Variants in USP6NL observed in about 807,000 individuals in gnomAD.
USP6NL encodes the protein USP6 N-terminal-like protein.
In USP6NL, 26 loss-of-function variants were observed where a neutral mutation model predicts 61.9. The observed-to-expected ratio is 0.42, with a 90% CI of 0.31 to 0.58. The LOEUF is 0.58. USP6NL is among the 20% of genes least tolerant of loss of function. The pLI is 0.16. For synonymous variants in USP6NL, 432 were observed against 390.1 expected (o/e 1.11, Z -1.27); for missense variants, 1,114 against 1,034.3 (o/e 1.08, Z -1.06).
intron 2 of USP6NL, among the ~76,000 whole-genome samples, chr10:11,558,933 T>C (rs1402557071): frequency 6.6e-6 from 1 of 152,178 alleles, no homozygotes; most frequent in Non-Finnish European, 1.5e-5. Context: ...TATATTTAGA[T>C]CAACTACTAA....
At chr10:11,568,616 A>G (rs1273113725) in intron 2 of USP6NL, among the ~76,000 whole-genome samples, 1 of 152,238 alleles carries the variant, frequency 6.6e-6, no homozygotes, top group African/African-American at 2.4e-5. Flanking sequence ...AAACCATACT[A>G]GTGAGAATCA....
chr10:11,555,614 A>T (rs1438882562), intron 2 of USP6NL, among the ~76,000 whole-genome samples: 1 of 151,586 alleles, frequency 6.6e-6, no homozygotes, highest in Admixed American at 6.6e-5. Context: ...GTACAGAAGC[A>T]GTTTCTAAAT....
chr10:11,492,092 A>T (rs1427838839), intron 8 of USP6NL, among the ~76,000 whole-genome samples: 1 of 152,232 alleles, frequency 6.6e-6, no homozygotes, highest in Non-Finnish European at 1.5e-5. Flanking sequence ...ATACTAAAGC[A>T]GAAGTGTGAT....
In USP6NL at chr10:11,566,779, T is replaced by C. The variant is rs187052347; in HGVS notation, c.4+30852A>G. Among the ~76,000 whole-genome samples, 490 of 152,348 alleles carry C rather than the reference T, an allele frequency of 3.2e-3. 2 individuals carry two copies. Among genetic ancestry groups the C allele is most frequent in the African/African-American group, 0.011 (449 of 41,578 alleles). ...GAGTTCAGACCATATTCTTAATTAA[T>C]ATACGGACCTGCTTTACTAAGAGAC... On this transcript the variant is annotated intron_variant, in intron 2 of 14. Transcript: ENST00000609104.
intron 4 of USP6NL, among the ~76,000 whole-genome samples, chr10:11,521,446 T>C (rs1323957968): frequency 1.3e-5 from 2 of 151,274 alleles, no homozygotes; most frequent in African/African-American, 2.4e-5. Flanking sequence ...AACGGTGCGA[T>C]CTCCGCTCAC....
At position 11,489,973 on chromosome 10, in the gene USP6NL, G is replaced by A. The variant is rs1242740804; in HGVS notation, c.544-751C>T. ...AATCTGGAGAGAGAAACAGTGAACT[G>A]AACAGTTCACAGAGATCATCTGAGA... On this transcript the variant is annotated intron_variant, in intron 9 of 14. Transcript: ENST00000609104. The surrounding 1 kb of genome is among the most constrained non-coding windows in gnomAD (Gnocchi z 5.7). Among the ~76,000 whole-genome samples, 1 of 152,152 alleles carries A rather than the reference G, an allele frequency of 6.6e-6. No individual in the cohort carries two copies. Among genetic ancestry groups the A allele is most frequent in the Non-Finnish European group, 1.5e-5 (1 of 68,034 alleles).
rs1190810728 is a variant in USP6NL, at chr10:11,596,565, A to T, written c.4+1066T>A. On this transcript the variant is annotated intron_variant, in intron 2 of 14. Transcript: ENST00000609104. This position sits in a 1 kb window ranked among gnomAD's most constrained non-coding sequence, Gnocchi z 4.1. ...CGCGAACCCAGGAGGTGGAGCTTGC[A>T]GTGAGCGGAGATGGTGCCACTGCAC... Among the ~76,000 whole-genome samples, 4 of 151,128 alleles carry T rather than the reference A, an allele frequency of 2.6e-5. No individual in the cohort carries two copies. The highest frequency in any genetic ancestry group is 5.9e-5 in the Non-Finnish European group (4 of 67,848).
chr10:11,501,097 T>G lies in USP6NL; in HGVS notation c.384+4A>C. 6.3e-7 allele frequency: 1 copy of G among 1,578,446 alleles called. No homozygotes were observed. Among genetic ancestry groups the G allele is most frequent in the Non-Finnish European group, 8.6e-7 (1 of 1,166,966 alleles). On this transcript the variant is annotated splice_donor_region_variant and intron_variant, in intron 7 of 14. Transcript: ENST00000609104. Reference sequence around the variant, plus strand: ...AAAATAACAAGTTAGCTTTAGCTACTCACACTATACAGGTCCCTTGTTTCT... The same window carrying G: ...AAAATAACAAGTTAGCTTTAGCTACGCACACTATACAGGTCCCTTGTTTCT...
chr10:11,489,006 T>C lies in USP6NL; in HGVS notation c.664+96A>G. Reference sequence around the variant, plus strand: ...ACTCAACGAGCCCTGAGACATTAAATTTGCTGTATGTAACTCTTGCAAGCA... The same window carrying C: ...ACTCAACGAGCCCTGAGACATTAAACTTGCTGTATGTAACTCTTGCAAGCA... On this transcript the variant is annotated intron_variant, in intron 10 of 14. Coordinates refer to ENST00000609104, the MANE Select transcript of USP6NL (RefSeq NM_014688.5). The surrounding 1 kb of genome is among the most constrained non-coding windows in gnomAD (Gnocchi z 5.7). The C allele has an allele frequency of 6.7e-7, 1 of 1,502,476 alleles. No individual in the cohort carries two copies. Among genetic ancestry groups the C allele is most frequent in the Middle Eastern group, 1.8e-4 (1 of 5,446 alleles). The allele number at this position is 1,502,476 out of a possible 1,614,324, so 93.1% of individuals were successfully genotyped here. A position where few individuals can be genotyped will look rare whatever the true frequency, so the allele number is the denominator to read the frequency against.
intron 2 of USP6NL, among the ~76,000 whole-genome samples, chr10:11,550,806 A>G (rs1260389788): frequency 2.0e-5 from 3 of 151,982 alleles, no homozygotes; most frequent in Admixed American, 2.0e-4. Context: ...AAAAAAAAAC[A>G]GGCAAGAGAT....
rs57177555 is a variant in USP6NL at position 11,460,624 on chromosome 10, C to CATATATATATAT, written c.*1805_*1816dup. 453 of 126,564 alleles carry CATATATATATAT rather than the reference C, an allele frequency of 3.6e-3. 3 individuals are homozygous for CATATATATATAT. The highest frequency in any genetic ancestry group is 5.9e-3 in the East Asian group (28 of 4,786). The allele number at this position is 126,564 out of a possible 1,614,324, so 7.8% of individuals were successfully genotyped here. On this transcript the variant is annotated 3_prime_UTR_variant, in exon 15 of 15. Coordinates refer to ENST00000609104, the MANE Select transcript of USP6NL (RefSeq NM_014688.5). ...CTTGTGTGTATATATATATTTTTTG[C>CATATATATATAT]ATATATATATATATATATATATATA...
At chr10:11,542,404 C>T (rs973567259) in intron 2 of USP6NL, among the ~76,000 whole-genome samples, 4 of 152,124 alleles carry the variant, frequency 2.6e-5, no homozygotes, top group African/African-American at 7.2e-5. Flanking sequence ...TACAAAACAA[C>T]GTTTGATCCA....
Position 11,462,357 on chromosome 10 carries a change from T to TA in USP6NL, c.*83dup, listed in dbSNP as rs2096217793. The TA allele has an allele frequency of 6.9e-7, 1 of 1,455,002 alleles. No individual in the cohort carries two copies. The highest frequency in any genetic ancestry group is 9.2e-7 in the Non-Finnish European group (1 of 1,086,446). 90.1% of individuals were successfully genotyped at this position (1,455,002 alleles called of 1,614,324 possible). Reference sequence around the variant, plus strand: ...GATGTGCGAGTTGTTTACAATAGTATAAATACTGCTTTGGCAATTATGAAC... The same window carrying TA: ...GATGTGCGAGTTGTTTACAATAGTATAAAATACTGCTTTGGCAATTATGAAC... On this transcript the variant is annotated 3_prime_UTR_variant, in exon 15 of 15. Coordinates refer to ENST00000609104, the MANE Select transcript of USP6NL (RefSeq NM_014688.5).
chr10:11,504,674 T>A (rs995587161), intron 6 of USP6NL, among the ~76,000 whole-genome samples: 1 of 152,242 alleles, frequency 6.6e-6, no homozygotes, highest in Non-Finnish European at 1.5e-5. Flanking sequence ...AATGCCCGCT[T>A]TGTGGCCAAC....
chr10:11,475,503 G>A (rs1832934802), intron 14 of USP6NL, among the ~76,000 whole-genome samples: 1 of 150,624 alleles, frequency 6.6e-6, no homozygotes, highest in Non-Finnish European at 1.5e-5. Flanking sequence ...GGCTGAGGCA[G>A]GAGAATCACT....
chr10:11,547,528 A>G (rs115397537), intron 2 of USP6NL, among the ~76,000 whole-genome samples: 1,572 of 149,604 alleles, frequency 0.011, 28 homozygotes, highest in African/African-American at 0.034. Context: ...TCAAGCTCAT[A>G]AAGCATTTTA....
At chr10:11,563,300 G>T (rs1837010101) in intron 2 of USP6NL, 2 of 152,126 alleles carry the variant, frequency 1.3e-5, no homozygotes, top group South Asian at 2.1e-4. Flanking sequence ...GGGTATGATA[G>T]AAAGGGCATA....
intron 2 of USP6NL, among the ~76,000 whole-genome samples, chr10:11,552,666 TA>T (rs1416829277): frequency 1.4e-4 from 22 of 152,336 alleles, no homozygotes; most frequent in African/African-American, 5.1e-4. Context: ...AGAAAATTCA[TA>T]CACACCAATG....
chr10:11,521,707 C>T (rs566801020), intron 4 of USP6NL, among the ~76,000 whole-genome samples: 19 of 151,682 alleles, frequency 1.3e-4, no homozygotes, highest in African/African-American at 4.6e-4. Flanking sequence ...ACAAACCCAC[C>T]TTTATTCTGC....
Sources: gnomAD v4.1 joint callset for allele counts (sites outside exome capture counted in the v4.1 genomes callset) on GRCh38, gnomAD v4.1.1 for gene constraint, Gnocchi (gnomAD v3.1) non-coding constraint, MANE v1.5 for transcripts, NCBI Gene and HGNC (gene_info 2026-07-23, HGNC 2026-07-21) for gene names.